The following SNAPC4 variants were observed in gnomAD, a reference collection of about 807,000 sequenced individuals.
SNAPC4 encodes small nuclear RNA activating complex polypeptide 4.
In SNAPC4, 127 loss-of-function variants were observed where a neutral mutation model predicts 151.3. The observed-to-expected ratio is 0.84, with a 90% confidence interval of 0.73 to 0.97. SNAPC4 has a LOEUF of 0.97. Among genes scored for constraint, SNAPC4 ranks in the 50% least tolerant of loss-of-function variants. SNAPC4 has a pLI of 0.00. For missense variants in SNAPC4, 2,186 were observed against 1,935.0 expected, an observed-to-expected ratio of 1.13 and a Z score of -2.43; for synonymous variants, 1,002 against 824.4, an observed-to-expected ratio of 1.22 and a Z score of -3.69.
chr9:136,394,235 G>A lies in SNAPC4; in HGVS notation c.632+14C>T. 1.2e-6 allele frequency: 2 copies of A among 1,600,008 alleles called. No individual in the cohort carries two copies. Among genetic ancestry groups the A allele is most frequent in the Non-Finnish European group, 1.7e-6 (2 of 1,170,014 alleles). On this transcript the variant is annotated intron_variant, in intron 7 of 23. Coordinates refer to ENST00000684778, the MANE Select transcript of SNAPC4 (RefSeq NM_003086.4). ...AGCCTGAAGACCGTTTTTGACTTAT[G>A]GTTTTAGACTTACTTCAGTAACTTG...
rs551842401 is a variant in SNAPC4, at chr9:136,389,349, G to A, written c.976-758C>T. Among the ~76,000 whole-genome samples, 18 of 152,032 alleles carry A rather than the reference G, an allele frequency of 1.2e-4. 1 individual carries two copies. In the South Asian group the frequency reaches 1.5e-3, roughly 12 times the overall value. On this transcript the variant is annotated intron_variant, in intron 10 of 23. Transcript: ENST00000684778. The stretch of plus-strand genomic sequence containing the variant: ...TGAGCTGCTGGGTGGCAGAGGGCGC[G>A]TGGGGCTGGACGTGCTGTGAGGTTT...
rs1833418278 is a variant in SNAPC4, at chr9:136,375,635, A to G, written c.*173T>C. ...GTGTTCAGGTGTGCACTTGGGGAAC[A>G]GCCATGCTCCATGCCACACAGTCAG... is the stretch of plus-strand genomic sequence containing the variant. On this transcript the variant is annotated 3_prime_UTR_variant, in exon 24 of 24. Coordinates refer to ENST00000684778, the MANE Select transcript of SNAPC4 (RefSeq NM_003086.4). The G allele has an allele frequency of 6.6e-6, 1 of 152,334 alleles. No homozygotes were observed. Among genetic ancestry groups the G allele is most frequent in the African/African-American group, 2.4e-5 (1 of 41,460 alleles). 9.4% of individuals were successfully genotyped at this position (152,334 alleles called of 1,614,324 possible). A position where few individuals can be genotyped will look rare whatever the true frequency, so the allele number is the denominator to read the frequency against.
At chr9:136,393,397 C>T (rs1016009759) in intron 7 of SNAPC4, among the ~76,000 whole-genome samples, 2 of 152,238 alleles carry the variant, frequency 1.3e-5, no homozygotes, top group Admixed American at 6.5e-5. Context: ...CAGATGGGGA[C>T]CTGCTGTGCT....
chr9:136,376,577 T>A, intron 22 of SNAPC4, 96 bp from the exon 23 acceptor site: 1 of 1,465,728 alleles, frequency 6.8e-7, no homozygotes. Flanking sequence ...TGTGGGTGAG[T>A]GTCCCACTTG....
At chr9:136,396,130 C>T (rs754253905) in intron 3 of SNAPC4, among the ~76,000 whole-genome samples, 3 of 152,206 alleles carry the variant, frequency 2.0e-5, no homozygotes, top group Non-Finnish European at 4.4e-5. Context: ...GCATCACCAG[C>T]AAAGCACGGG....
chr9:136,383,279 G>C lies in SNAPC4; in HGVS notation c.1890C>G (p.Val630=). 2.5e-6 allele frequency: 4 copies of C among 1,612,124 alleles called. No homozygotes were observed. Among genetic ancestry groups the C allele is most frequent in the Non-Finnish European group, 3.4e-6 (4 of 1,179,668 alleles). ...APGEETSPVQ[V]PARAHGPVPR... is the part of the protein sequence containing the mutation. ...GGACAGGGCCGTGGGCCCTGGCAGG[G>C]ACCTGCACCGGACTCGTCTCCTCTC... The change falls in exon 16 of 24, where the codon GTC becomes GTG. Residue 630 remains valine (V), a synonymous_variant. Coordinates refer to ENST00000684778, the MANE Select transcript of SNAPC4 (RefSeq NM_003086.4). This position sits in a 1 kb window ranked among gnomAD's most constrained non-coding sequence, Gnocchi z 4.2.
chr9:136,377,921 G>T lies in SNAPC4; in HGVS notation c.3906C>A (p.Pro1302=). The stretch of plus-strand genomic sequence containing the variant: ...GGCTGCACAGGGCTGGGGGCTGATA[G>T]GGCAGTCTGCTGCCCAGAAGAGGCA... ...VRVPLLGSRL[P]YQPPALCSLR... Residue 1302 remains proline, a synonymous_variant, in exon 22 of 24, where the codon CCC becomes CCA. Coordinates refer to ENST00000684778, the MANE Select transcript of SNAPC4 (RefSeq NM_003086.4). The T allele has an allele frequency of 6.2e-7, 1 of 1,609,998 alleles. No homozygotes were observed.
At chr9:136,384,313 C>G (rs1833816172) in intron 14 of SNAPC4, among the ~76,000 whole-genome samples, 1 of 152,200 alleles carries the variant, frequency 6.6e-6, no homozygotes, top group South Asian at 2.1e-4. Context: ...CCCCAGGCTT[C>G]CGCACCAGCC....
intron 12 of SNAPC4, 28 bp downstream of exon 12, chr9:136,387,714 C>T (rs747862087): frequency 1.3e-5 from 19 of 1,478,498 alleles, no homozygotes; most frequent in Non-Finnish European, 1.3e-5. Flanking sequence ...TCCCAGAGCC[C>T]AGTTCTCCTA....
At chr9:136,387,303 G>A (rs1271793354) in intron 13 of SNAPC4, among the ~76,000 whole-genome samples, 182 bp downstream of exon 13, 1 of 152,186 alleles carries the variant, frequency 6.6e-6, no homozygotes, top group Non-Finnish European at 1.5e-5. Context: ...GCTCAGCCGG[G>A]CCAACCCTGG....
Position 136,379,195 on chromosome 9 carries a change from C to A in SNAPC4, c.2632G>T (p.Ala878Ser), listed in dbSNP as rs748609624. 2 of 1,607,604 alleles carry A rather than the reference C, an allele frequency of 1.2e-6. No individual in the cohort carries two copies. The highest frequency in any genetic ancestry group is 1.7e-6 in the Non-Finnish European group (2 of 1,177,966). Residue 878 changes from alanine to serine, a missense_variant, in exon 22 of 24, where the codon GCG (alanine) becomes TCG (serine). Coordinates refer to ENST00000684778, the MANE Select transcript of SNAPC4 (RefSeq NM_003086.4). Reference protein sequence around the residue: ...SSRVERTLPQASLLASTGPRP... With the variant: ...SSRVERTLPQSSLLASTGPRP... ...GGGCCGGTTGAAGCCAGCAGGGACG[C>A]CTGGGGTAGGGTGCGCTCCACCCGG... is the stretch of plus-strand genomic sequence containing the variant.
At position 136,378,975 on chromosome 9, in the gene SNAPC4, G is replaced by A. The variant is rs369169289; in HGVS notation, c.2852C>T (p.Pro951Leu). Reference sequence around the variant, plus strand: ...CGCGGGGGCCCCAGGCCCAGAGAGCGGTACATTTAAGACGGTGGGACCCGG... The same window carrying A: ...CGCGGGGGCCCCAGGCCCAGAGAGCAGTACATTTAAGACGGTGGGACCCGG... The part of the protein sequence containing the change: ...PAPGPTVLNV[P>L]LSGPGAPAAA... The change falls in exon 22 of 24, where the codon CCG (proline) becomes CTG (leucine). Residue 951 changes from proline (P) to leucine (L), a missense_variant. Pro to Leu is a moderately conservative substitution (Grantham distance 98). Transcript: ENST00000684778. 25 of 1,608,798 alleles carry A rather than the reference G, an allele frequency of 1.6e-5. No individual in the cohort carries two copies. Among genetic ancestry groups the A allele is most frequent in the East Asian group, 8.9e-5 (4 of 44,730 alleles).
Position 136,383,676 on chromosome 9 carries a change from G to C in SNAPC4, c.1501-8C>G, listed in dbSNP as rs962451962. 6.3e-7 allele frequency: 1 copy of C among 1,594,124 alleles called. No individual in the cohort carries two copies. Among genetic ancestry groups the C allele is most frequent in the East Asian group, 2.2e-5 (1 of 44,718 alleles). ...CCGGAGACCCTGCTTCTTCTGAGGG[G>C]AGGAAAGAGCTACTTAGAGGCCTTG... is the stretch of plus-strand genomic sequence containing the variant. On this transcript the variant is annotated splice_region_variant and splice_polypyrimidine_tract_variant and intron_variant, in intron 15 of 23. Coordinates refer to ENST00000684778, the MANE Select transcript of SNAPC4 (RefSeq NM_003086.4). This position sits in a 1 kb window ranked among gnomAD's most constrained non-coding sequence, Gnocchi z 4.2.
At chr9:136,391,202 C>A (rs1834061991) in intron 10 of SNAPC4, among the ~76,000 whole-genome samples, 1 of 152,174 alleles carries the variant, frequency 6.6e-6, no homozygotes, top group African/African-American at 2.4e-5. Context: ...TTACAGAGAA[C>A]ATACCTTTTT....
chr9:136,377,641 C>G lies in SNAPC4; in HGVS notation c.4186G>C (p.Val1396Leu). The change falls in exon 22 of 24, where the codon GTG becomes CTG. Residue 1396 changes from valine to leucine, a missense_variant. Transcript: ENST00000684778. ...TCTTCATCCTCACTCTCAGAGCCCA[C>G]CCTCGAAGGTACTGAGAGGGTGGTG... ...VRTTLSVPSR[V>L]GSESEDEDLL... The G allele has an allele frequency of 6.3e-7, 1 of 1,589,844 alleles. No individual in the cohort carries two copies. The highest frequency in any genetic ancestry group is 8.6e-7 in the Non-Finnish European group (1 of 1,166,142).
rs768124032 is a variant in SNAPC4 at position 136,382,301 on chromosome 9, G to C, written c.2019C>G (p.Thr673=). The C allele has an allele frequency of 4.3e-6, 7 of 1,612,988 alleles. No homozygotes were observed. The African/African-American group carries it at 5.3e-5, about 12-fold the overall frequency. ...TGTTGGCCCTGAGCACCCTCAGCAC[G>C]GTCTCCACAGGCACTGTCAGCAGAC... ...GRRLLTVPVE[T]VLRVLRANTA... is the part of the protein sequence containing the mutation. The change falls in exon 17 of 24, where the codon ACC becomes ACG. Residue 673 remains threonine (T), a synonymous_variant. Transcript: ENST00000684778.
At chr9:136,393,970 C>T (rs534137489) in intron 7 of SNAPC4, among the ~76,000 whole-genome samples, 18 of 152,362 alleles carry the variant, frequency 1.2e-4, no homozygotes, top group Middle Eastern at 3.4e-3. Flanking sequence ...CAGGCTGGAA[C>T]GCAGTGGTAC....
intron 2 of SNAPC4, among the ~76,000 whole-genome samples, chr9:136,397,447 G>C (rs962700482): frequency 4.8e-5 from 7 of 146,530 alleles, no homozygotes; most frequent in African/African-American, 1.5e-4. Context: ...GTCTGGGAGA[G>C]GTGGGAAGCA....
chr9:136,391,826 T>G, intron 10 of SNAPC4, 116 bp downstream of exon 10: 3 of 1,160,746 alleles, frequency 2.6e-6, no homozygotes, highest in Non-Finnish European at 2.4e-6. Context: ...TGGCAACACA[T>G]AGAAACCTGG....
Sources: allele counts gnomAD v4.1 joint callset (sites outside exome capture counted in the v4.1 genomes callset), GRCh38; gene constraint gnomAD v4.1.1; non-coding constraint Gnocchi (gnomAD v3.1); transcripts MANE v1.5; gene names NCBI Gene and HGNC (gene_info 2026-07-23, HGNC 2026-07-21).